Variants in LSAMP observed in about 807,000 individuals in gnomAD.
LSAMP encodes the protein limbic system-associated membrane protein.
In LSAMP, 7 loss-of-function variants were observed where a neutral mutation model predicts 38.6. The observed-to-expected ratio is 0.18, with a 90% CI of 0.10 to 0.34. The LOEUF (loss-of-function observed/expected upper bound fraction) is 0.34, where lower values mean the gene tolerates loss of function less well. LSAMP is among the 10% of genes least tolerant of loss of function. The pLI is 1.00. For missense variants in LSAMP, 313 were observed against 420.0 expected (o/e 0.75, Z 2.23); for synonymous variants, 154 against 166.8 (o/e 0.92, Z 0.59).
chr3:116,258,935 T>C, intron 1 of LSAMP, among the ~76,000 whole-genome samples: 1 of 152,130 alleles, frequency 6.6e-6, no homozygotes, highest in East Asian at 1.9e-4. Context: ...TTTTTCATCA[T>C]TAAAAATACG....
At chr3:116,141,957 C>T (rs1559758308) in intron 1 of LSAMP, among the ~76,000 whole-genome samples, 1 of 151,984 alleles carries the variant, frequency 6.6e-6, no homozygotes, top group Non-Finnish European at 1.5e-5. Flanking sequence ...TTAGCAGCAG[C>T]TGATGAGTCA....
chr3:116,427,865 A>G (rs1281515784), intron 1 of LSAMP, among the ~76,000 whole-genome samples: 1 of 152,168 alleles, frequency 6.6e-6, no homozygotes, highest in Non-Finnish European at 1.5e-5. Context: ...ATACCCTAAT[A>G]GGAAAACAGC....
At chr3:116,137,122 G>T (rs1447554850) in intron 1 of LSAMP, among the ~76,000 whole-genome samples, 1 of 151,816 alleles carries the variant, frequency 6.6e-6, no homozygotes, top group Admixed American at 6.6e-5. Context: ...GATTCTTCAG[G>T]TGGCCTTCTT....
At chr3:116,260,199 C>A (rs2046806363) in intron 1 of LSAMP, among the ~76,000 whole-genome samples, 1 of 152,044 alleles carries the variant, frequency 6.6e-6, no homozygotes, top group African/African-American at 2.4e-5. Flanking sequence ...TCCTTCTTTA[C>A]ATTTGTATAG....
At chr3:115,836,337 A>G (rs1934784672) in intron 6 of LSAMP, among the ~76,000 whole-genome samples, 1 of 152,144 alleles carries the variant, frequency 6.6e-6, no homozygotes, top group Non-Finnish European at 1.5e-5. Context: ...TTCTTTGAGC[A>G]TTATTCTGCT....
At chr3:116,413,459 A>T (rs2049006639) in intron 1 of LSAMP, among the ~76,000 whole-genome samples, 1 of 152,022 alleles carries the variant, frequency 6.6e-6, no homozygotes, top group Non-Finnish European at 1.5e-5. Context: ...ATATTTATAC[A>T]AGATGCTCAA....
At chr3:116,135,246 A>G (rs547718862) in intron 1 of LSAMP, among the ~76,000 whole-genome samples, 2 of 152,310 alleles carry the variant, frequency 1.3e-5, no homozygotes, top group South Asian at 2.1e-4. Flanking sequence ...GTATCTTTTC[A>G]TATCAGTCCT....
intron 1 of LSAMP, among the ~76,000 whole-genome samples, chr3:116,233,636 T>C (rs953014436): frequency 2.0e-5 from 3 of 151,946 alleles, no homozygotes; most frequent in East Asian, 1.9e-4. Flanking sequence ...TACTTCCCTT[T>C]CCAGCCTCTG....
chr3:116,285,158 C>T (rs1431014388), intron 1 of LSAMP, among the ~76,000 whole-genome samples: 1 of 152,138 alleles, frequency 6.6e-6, no homozygotes, highest in Non-Finnish European at 1.5e-5. Flanking sequence ...CTGAGTGGTT[C>T]TGAACTCCCT....
chr3:116,220,008 C>G (rs6773581), intron 1 of LSAMP, among the ~76,000 whole-genome samples: 76,297 of 151,872 alleles, frequency 0.5, 21,566 homozygotes, highest in East Asian at 0.75. Flanking sequence ...AGTCCTGTCT[C>G]TACTAAAAAT....
intron 6 of LSAMP, among the ~76,000 whole-genome samples, chr3:115,835,539 A>C (rs527812406): frequency 6.6e-6 from 1 of 152,354 alleles, no homozygotes; most frequent in African/African-American, 2.4e-5. Context: ...CATAATTAGC[A>C]CACACTTTTC....
chr3:116,127,074 T>C (rs911420153), intron 1 of LSAMP, among the ~76,000 whole-genome samples: 1 of 152,228 alleles, frequency 6.6e-6, no homozygotes, highest in Non-Finnish European at 1.5e-5. Context: ...TATGCCTGGA[T>C]TGATCTACTG....
chr3:115,891,046 C>T (rs1253921745), intron 3 of LSAMP, among the ~76,000 whole-genome samples: 1 of 151,936 alleles, frequency 6.6e-6, no homozygotes, highest in East Asian at 1.9e-4. Context: ...TTGTACTATA[C>T]TTCTGCCTTC....
At chr3:115,885,259 T>C (rs1936422692) in intron 3 of LSAMP, among the ~76,000 whole-genome samples, 2 of 152,062 alleles carry the variant, frequency 1.3e-5, no homozygotes, top group South Asian at 4.1e-4. Flanking sequence ...CATTCCTCTT[T>C]AGGAGAGAGA....
intron 3 of LSAMP, among the ~76,000 whole-genome samples, chr3:115,990,936 T>C (rs1176847793): frequency 6.6e-6 from 1 of 152,062 alleles, no homozygotes; most frequent in South Asian, 2.1e-4. Context: ...TTGATATAAG[T>C]AGCCCTGAAT....
At chr3:116,351,342 G>T (rs1002111254) in intron 1 of LSAMP, among the ~76,000 whole-genome samples, 2 of 152,024 alleles carry the variant, frequency 1.3e-5, no homozygotes, top group African/African-American at 4.8e-5. Flanking sequence ...AGCTAGACAT[G>T]TGAAGGGAGA....
At chr3:116,104,173 A>G (rs1457774952) in intron 1 of LSAMP, among the ~76,000 whole-genome samples, 1 of 152,170 alleles carries the variant, frequency 6.6e-6, no homozygotes, top group Non-Finnish European at 1.5e-5. Flanking sequence ...TAATTTCAAA[A>G]CCTTTCTGGC....
At chr3:116,061,972 C>T (rs576363773) in intron 2 of LSAMP, among the ~76,000 whole-genome samples, 1 of 152,138 alleles carries the variant, frequency 6.6e-6, no homozygotes, top group Non-Finnish European at 1.5e-5. Flanking sequence ...GGGGCACTTA[C>T]TCCAAATAAT....
At chr3:116,192,256 A>G (rs1404317292) in intron 1 of LSAMP, among the ~76,000 whole-genome samples, 1 of 152,236 alleles carries the variant, frequency 6.6e-6, no homozygotes, top group East Asian at 1.9e-4. Flanking sequence ...TAGCTTGAGA[A>G]GCACCTCTTG....
Sources: allele counts gnomAD v4.1 joint callset (sites outside exome capture counted in the v4.1 genomes callset), GRCh38; gene constraint gnomAD v4.1.1; transcripts MANE v1.5; gene names NCBI Gene and HGNC (gene_info 2026-07-23, HGNC 2026-07-21).